Variants in DYNC2H1 observed in about 807,000 individuals in gnomAD.
DYNC2H1 encodes the protein dynein cytoplasmic 2 heavy chain 1, also known as cytoplasmic dynein 2 heavy chain 1.
Under a neutral mutation model 570.0 loss-of-function variants are expected in DYNC2H1, and 410 were observed. The ratio of observed to expected loss-of-function variants is 0.72; its 90% CI spans 0.66 to 0.78. The LOEUF (loss-of-function observed/expected upper bound fraction) is 0.78. Ranked by LOEUF, DYNC2H1 falls within the 30% of genes least tolerant of loss-of-function variation. The probability of loss-of-function intolerance (pLI) is 0.00; values close to 1 mark genes in which losing one functional copy is unlikely to be tolerated. For missense variants in DYNC2H1, 4,865 were observed against 5,046.4 expected, an observed-to-expected ratio of 0.96 and a Z score of 1.09; for synonymous variants, 1,688 against 1,677.6, an observed-to-expected ratio of 1.01 and a Z score of -0.15.
intron 50 of DYNC2H1, 105 bp downstream of exon 50, chr11:103,200,259 A>G: frequency 2.4e-6 from 2 of 847,856 alleles, no homozygotes; most frequent in Admixed American, 6.0e-5. Context: ...AACTTTTGGC[A>G]TAGTTCTTAC....
chr11:103,361,765 T>C (rs968319802), intron 83 of DYNC2H1, among the ~76,000 whole-genome samples: 3 of 152,070 alleles, frequency 2.0e-5, no homozygotes, highest in African/African-American at 7.2e-5. Context: ...TTAGAGTTAT[T>C]ATAGGGAAAC....
At chr11:103,265,476 T>C (rs989527595) in intron 70 of DYNC2H1, among the ~76,000 whole-genome samples, 2 of 152,230 alleles carry the variant, frequency 1.3e-5, no homozygotes, top group African/African-American at 4.8e-5. Context: ...TATAAAATTC[T>C]TGTAGTAAGT....
chr11:103,130,654 G>A (rs1184359090), intron 13 of DYNC2H1, among the ~76,000 whole-genome samples: 2 of 151,600 alleles, frequency 1.3e-5, no homozygotes, highest in East Asian at 3.9e-4. Flanking sequence ...TTTAAAAAAT[G>A]TATGCATAGT....
At chr11:103,456,962 G>A (rs1944809301) in intron 87 of DYNC2H1, among the ~76,000 whole-genome samples, 2 of 152,206 alleles carry the variant, frequency 1.3e-5, no homozygotes, top group South Asian at 4.1e-4. Context: ...CCATCCCCAA[G>A]ATAGTTCATT....
intron 12 of DYNC2H1, among the ~76,000 whole-genome samples, chr11:103,125,965 T>C (rs892936145): frequency 2.0e-5 from 3 of 152,244 alleles, no homozygotes; most frequent in East Asian, 1.9e-4. Flanking sequence ...TCACTTTCTC[T>C]GTTGTGTCTT....
Position 103,159,002 on chromosome 11 carries a change from G to T in DYNC2H1, c.4353G>T (p.Gln1451His). ...AGTCTACCAACCCATCAGTGATTCA[G>T]TCTCACCTGAAGAAGCTTTTTGCTG... ...LGQSTNPSVIQSHLKKLFAGI... is the reference protein window; with the variant it reads ...LGQSTNPSVIHSHLKKLFAGI... Residue 1451 changes from glutamine (Q) to histidine (H), a missense_variant, in exon 28 of 89, where the codon CAG becomes CAT. By Grantham distance (24) the Gln-to-His change is conservative (BLOSUM62 0). Coordinates refer to ENST00000375735, the MANE Select transcript of DYNC2H1 (RefSeq NM_001377.3). The T allele has an allele frequency of 6.2e-7, 1 of 1,612,864 alleles. No individual in the cohort carries two copies. The highest frequency in any genetic ancestry group is 8.5e-7 in the Non-Finnish European group (1 of 1,179,414).
In DYNC2H1 at chr11:103,253,435, G is replaced by T. The variant is rs1351554621; in HGVS notation, c.10193G>T (p.Gly3398Val). The change falls in exon 66 of 89, where the codon GGA becomes GTA. Residue 3398 changes from glycine (G) to valine (V), a missense_variant. Around this residue, in one of 5 missense-constraint regions of DYNC2H1, gnomAD observed 2,401 missense variants for 2,454.6 expected, o/e 0.98. Coordinates refer to ENST00000375735, the MANE Select transcript of DYNC2H1 (RefSeq NM_001377.3). Reference protein sequence around the residue: ...TEVNFTTTRSGLRGQLLALTI... With the variant: ...TEVNFTTTRSVLRGQLLALTI... ...GTTAACTTTACTACAACAAGAAGTG[G>T]ATTACGAGGGCAGGTATACATAGAT... The T allele has an allele frequency of 6.2e-7, 1 of 1,612,406 alleles. No individual in the cohort carries two copies. The highest frequency in any genetic ancestry group is 2.2e-5 in the East Asian group (1 of 44,808).
intron 82 of DYNC2H1, among the ~76,000 whole-genome samples, chr11:103,340,779 G>T (rs11225733): frequency 0.22 from 32,961 of 151,962 alleles, 3,708 homozygotes; most frequent in Admixed American, 0.31. Context: ...GTTTCAAAAT[G>T]TAATAGCTGC....
rs1938493487 is a variant in DYNC2H1 at position 103,326,546 on chromosome 11, T to C, written c.12039+2556T>C. On this transcript the variant is annotated intron_variant, in intron 82 of 88. Coordinates refer to ENST00000375735, the MANE Select transcript of DYNC2H1 (RefSeq NM_001377.3). The surrounding 1 kb of genome is among the most constrained non-coding windows in gnomAD (Gnocchi z 6.1). The stretch of plus-strand genomic sequence containing the variant: ...AGATCTGGGCTCGGTACTCCTGAGC[T>C]GCAGACCGCATTCCGGGGACACTGG... Among the ~76,000 whole-genome samples, 1 of 152,178 alleles carries C rather than the reference T, an allele frequency of 6.6e-6. No homozygotes were observed. The highest frequency in any genetic ancestry group is 1.5e-5 in the Non-Finnish European group (1 of 68,030).
At chr11:103,433,562 A>T (rs1013322877) in intron 84 of DYNC2H1, among the ~76,000 whole-genome samples, 9 of 152,156 alleles carry the variant, frequency 5.9e-5, no homozygotes, top group Admixed American at 3.3e-4. Flanking sequence ...GCTGTTAGTC[A>T]ACTGTGAGTG....
In DYNC2H1 at chr11:103,186,215, A is replaced by T. The variant is rs1862060972; in HGVS notation, c.6634-27A>T. 1 of 1,595,934 alleles carries T rather than the reference A, an allele frequency of 6.3e-7. No homozygotes were observed. Among genetic ancestry groups the T allele is most frequent in the Admixed American group, 1.7e-5 (1 of 58,102 alleles). On this transcript the variant is annotated intron_variant, in intron 41 of 88. Transcript: ENST00000375735. This position sits in a 1 kb window ranked among gnomAD's most constrained non-coding sequence, Gnocchi z 4.5. Reference sequence around the variant, plus strand: ...TGTCACACACTCTGGAGTATGTGAAAACTTATCACAATTTTTTCCTCTTAA... The same window carrying T: ...TGTCACACACTCTGGAGTATGTGAATACTTATCACAATTTTTTCCTCTTAA...
At chr11:103,221,037 A>G (rs1291728282) in intron 57 of DYNC2H1, among the ~76,000 whole-genome samples, 1 of 152,128 alleles carries the variant, frequency 6.6e-6, no homozygotes, top group Non-Finnish European at 1.5e-5. Context: ...AAATTTCTCA[A>G]TAAATATAAT....
At chr11:103,180,896 A>T (rs548195239) in intron 39 of DYNC2H1, among the ~76,000 whole-genome samples, 19 of 151,694 alleles carry the variant, frequency 1.3e-4, no homozygotes, top group Non-Finnish European at 2.5e-4. Context: ...CTGGATAGAA[A>T]ATGTGAGAGC....
intron 82 of DYNC2H1, among the ~76,000 whole-genome samples, chr11:103,336,155 T>A (rs1259035228): frequency 6.6e-6 from 1 of 152,216 alleles, no homozygotes; most frequent in Non-Finnish European, 1.5e-5. Context: ...TGTTTTGTAT[T>A]TTTTATGGCT....
At chr11:103,443,146 TTTTA>T (rs1166929058) in intron 85 of DYNC2H1, among the ~76,000 whole-genome samples, 2 of 152,014 alleles carry the variant, frequency 1.3e-5, no homozygotes, top group Non-Finnish European at 2.9e-5. Context: ...TATCAAAATT[TTTTA>T]TTATTTCTGA....
At chr11:103,178,902 GGGT>G (rs1183019209) in intron 38 of DYNC2H1, 121 bp from the exon 39 acceptor site, 3 of 919,286 alleles carry the variant, frequency 3.3e-6, no homozygotes, top group Non-Finnish European at 4.7e-6. Context: ...GATTGCGCAT[GGGT>G]TCTTCAGCAT....
At chr11:103,428,331 G>A (rs1475876656) in intron 84 of DYNC2H1, among the ~76,000 whole-genome samples, 1 of 151,786 alleles carries the variant, frequency 6.6e-6, no homozygotes, top group African/African-American at 2.4e-5. Flanking sequence ...CGAGGCTCTG[G>A]AGATAGGAAA....
chr11:103,258,988 T>C (rs1292093758), intron 69 of DYNC2H1, among the ~76,000 whole-genome samples: 1 of 152,230 alleles, frequency 6.6e-6, no homozygotes, highest in Non-Finnish European at 1.5e-5. Flanking sequence ...AACATGCTAC[T>C]ACAAGGCTAG....
intron 61 of DYNC2H1, among the ~76,000 whole-genome samples, chr11:103,234,629 A>G (rs965512283): frequency 2.0e-5 from 3 of 151,762 alleles, no homozygotes; most frequent in African/African-American, 7.3e-5. Flanking sequence ...TCATCCAGTA[A>G]TGTTGATTGT....
Sources: allele counts gnomAD v4.1 joint callset (sites outside exome capture counted in the v4.1 genomes callset), GRCh38; gene constraint gnomAD v4.1.1; regional missense constraint gnomAD v4.1.1; non-coding constraint Gnocchi (gnomAD v3.1); transcripts MANE v1.5; gene names NCBI Gene and HGNC (gene_info 2026-07-23, HGNC 2026-07-21).